C10orf90: variants seen among roughly 807,000 people sequenced by gnomAD.
C10orf90 encodes the protein chromosome 10 open reading frame 90, also known as (E2-independent) E3 ubiquitin-conjugating enzyme FATS.
Under a neutral mutation model 62.5 loss-of-function variants are expected in C10orf90, and 56 were observed. The observed-to-expected ratio is 0.90, with a 90% CI of 0.72 to 1.12. The LOEUF is 1.12. Among genes scored for constraint, C10orf90 ranks in the 50% most tolerant of loss-of-function variants. The probability of loss-of-function intolerance (pLI) is 0.00; values close to 1 mark genes in which losing one functional copy is unlikely to be tolerated. For missense variants in C10orf90, 970 were observed against 880.4 expected (o/e 1.10, Z -1.29); for synonymous variants, 386 against 340.4 (o/e 1.13, Z -1.47).
chr10:126,536,082 T>C (rs1322551946), intron 2 of C10orf90, among the ~76,000 whole-genome samples: 2 of 152,082 alleles, frequency 1.3e-5, no homozygotes, highest in African/African-American at 4.8e-5. Flanking sequence ...AAGATTTGGG[T>C]CTCCCAGGGG....
At chr10:126,584,150 G>T (rs1844809743) in intron 2 of C10orf90, among the ~76,000 whole-genome samples, 1 of 148,858 alleles carries the variant, frequency 6.7e-6, no homozygotes, top group Admixed American at 6.7e-5. Context: ...GACTTGAAGG[G>T]GAAACTCTCA....
At position 126,615,530 on chromosome 10, in the gene C10orf90, T is replaced by G. The variant is rs575617928; in HGVS notation, c.313+31035A>C. Among the ~76,000 whole-genome samples, 11 of 152,360 alleles carry G rather than the reference T, an allele frequency of 7.2e-5. No individual in the cohort carries two copies. The South Asian group carries it at 2.1e-3, about 29-fold the overall frequency. ...AGCAAGGCTATAAAAATACAAAATC[T>G]TAACACAATGATCACATTCAACTCA... On this transcript the variant is annotated intron_variant, in intron 2 of 9. Coordinates refer to ENST00000488181, the MANE Select transcript of C10orf90 (RefSeq NM_001350921.2).
intron 3 of C10orf90, among the ~76,000 whole-genome samples, chr10:126,509,545 G>C (rs1862970160): frequency 6.6e-6 from 1 of 152,200 alleles, no homozygotes; most frequent in African/African-American, 2.4e-5. Flanking sequence ...TAGAAGTCAT[G>C]TAATTTTTTA....
intron 2 of C10orf90, among the ~76,000 whole-genome samples, chr10:126,584,432 C>A (rs1844818069): frequency 6.6e-6 from 1 of 152,078 alleles, no homozygotes; most frequent in Non-Finnish European, 1.5e-5. Flanking sequence ...TTCCATCTGT[C>A]CATCCATCCC....
chr10:126,580,222 C>T (rs78904747), intron 2 of C10orf90, among the ~76,000 whole-genome samples: 3,474 of 152,322 alleles, frequency 0.023, 121 homozygotes, highest in African/African-American at 0.079. Flanking sequence ...GCTGTCCTAA[C>T]GACATGCCCT....
At chr10:126,665,590 G>A (rs999916764) in intron 1 of C10orf90, among the ~76,000 whole-genome samples, 2 of 152,146 alleles carry the variant, frequency 1.3e-5, no homozygotes, top group African/African-American at 4.8e-5. Flanking sequence ...AGAGTAACCA[G>A]ACAACCGCTA....
In C10orf90 at chr10:126,645,258, T is replaced by TAAA. The variant is rs1182066967; in HGVS notation, c.313+1304_313+1306dup. ...CACATGTACCCTAAAACTTAAAGTA[T>TAAA]AAAAAAAAAAAAAAAAAAAAAGCTG... is the stretch of plus-strand genomic sequence containing the variant. On this transcript the variant is annotated intron_variant, in intron 2 of 9. Transcript: ENST00000488181. Among the ~76,000 whole-genome samples, 338 of 66,266 alleles carry TAAA rather than the reference T, an allele frequency of 5.1e-3. 4 individuals carry two copies. Among genetic ancestry groups the TAAA allele is most frequent in the African/African-American group, 0.016 (326 of 20,826 alleles). The allele number at this position is 66,266 out of a possible 152,430, so 43.5% of individuals were successfully genotyped here. A position where few individuals can be genotyped will look rare whatever the true frequency, so the allele number is the denominator to read the frequency against.
rs142691564 is a variant in C10orf90 at position 126,581,871 on chromosome 10, G to A, written c.313+64694C>T. Among the ~76,000 whole-genome samples, 1,383 of 152,332 alleles carry A rather than the reference G, an allele frequency of 9.1e-3. 24 individuals are homozygous for A. Among genetic ancestry groups the A allele is most frequent in the African/African-American group, 0.032 (1,321 of 41,564 alleles). On this transcript the variant is annotated intron_variant, in intron 2 of 9. Transcript: ENST00000488181. ...CTGTGGACTGATTCGGACAGGTGCT[G>A]TGGAAGGAGACCTGGGGCCGCCTTA...
chr10:126,628,006 A>T (rs1300703676), intron 2 of C10orf90, among the ~76,000 whole-genome samples: 1 of 152,222 alleles, frequency 6.6e-6, no homozygotes, highest in East Asian at 1.9e-4. Flanking sequence ...CGAAAGAGCA[A>T]GTGTCTCTTA....
chr10:126,582,269 G>C (rs559238450), intron 2 of C10orf90, among the ~76,000 whole-genome samples: 1 of 152,294 alleles, frequency 6.6e-6, no homozygotes, highest in Non-Finnish European at 1.5e-5. Flanking sequence ...CACCTTTAAA[G>C]AATAGGACTG....
At chr10:126,664,800 C>T (rs1053145153) in intron 1 of C10orf90, among the ~76,000 whole-genome samples, 4 of 152,184 alleles carry the variant, frequency 2.6e-5, no homozygotes, top group African/African-American at 9.7e-5. Context: ...TTCAGATATG[C>T]CTCCTGATGC....
chr10:126,636,481 T>C (rs753319520), intron 2 of C10orf90, among the ~76,000 whole-genome samples: 5 of 152,308 alleles, frequency 3.3e-5, no homozygotes, highest in East Asian at 1.9e-4. Context: ...TTTACCAAGA[T>C]ATAAAATAAG....
Position 126,514,776 on chromosome 10 carries a change from C to T in C10orf90, c.314-837G>A, listed in dbSNP as rs376246945. On this transcript the variant is annotated intron_variant, in intron 2 of 9. Coordinates refer to ENST00000488181, the MANE Select transcript of C10orf90 (RefSeq NM_001350921.2). ...CCTCAGCAGCCACAGCACCGCCCTG[C>T]GCCCCCCTCTCCACCCCCCATCTCT... Among the ~76,000 whole-genome samples, 212 of 152,268 alleles carry T rather than the reference C, an allele frequency of 1.4e-3. 3 individuals carry two copies. Among genetic ancestry groups the T allele is most frequent in the South Asian group, 7.5e-3 (36 of 4,820 alleles).
chr10:126,518,906 C>T (rs938654847), intron 2 of C10orf90, among the ~76,000 whole-genome samples: 3 of 152,002 alleles, frequency 2.0e-5, no homozygotes, highest in South Asian at 2.1e-4. Context: ...GCCTGGAGGG[C>T]GGTGTGTGTT....
rs1010071285 is a variant in C10orf90, at chr10:126,581,740, G to A, written c.313+64825C>T. Among the ~76,000 whole-genome samples the A allele has an allele frequency of 7.2e-5, 11 of 152,082 alleles. No homozygotes were observed. The East Asian group carries it at 1.2e-3, about 16-fold the overall frequency. ...CCTCTCTATTTAGAAAATTCCTCACGTTGTGATTCCTACACTCTAAGAACA... is the reference window on the plus strand; with the variant it reads ...CCTCTCTATTTAGAAAATTCCTCACATTGTGATTCCTACACTCTAAGAACA... On this transcript the variant is annotated intron_variant, in intron 2 of 9. Coordinates refer to ENST00000488181, the MANE Select transcript of C10orf90 (RefSeq NM_001350921.2).
At chr10:126,612,805 T>G (rs904404529) in intron 2 of C10orf90, among the ~76,000 whole-genome samples, 1 of 152,170 alleles carries the variant, frequency 6.6e-6, no homozygotes, top group Non-Finnish European at 1.5e-5. Context: ...ATTGCCAACA[T>G]TTACGTGTTT....
chr10:126,580,124 G>C (rs971769768), intron 2 of C10orf90, among the ~76,000 whole-genome samples: 4 of 152,146 alleles, frequency 2.6e-5, no homozygotes, highest in African/African-American at 9.7e-5. Context: ...TCAGCGTCCA[G>C]AGCTGATCTA....
chr10:126,570,611 G>A (rs1237841838), intron 2 of C10orf90, among the ~76,000 whole-genome samples: 7 of 152,148 alleles, frequency 4.6e-5, no homozygotes, highest in African/African-American at 1.7e-4. Flanking sequence ...CTCAGAAAGG[G>A]TTTTTTGAGC....
chr10:126,600,223 T>G (rs1564887699), intron 2 of C10orf90, among the ~76,000 whole-genome samples: 1 of 149,214 alleles, frequency 6.7e-6, no homozygotes, highest in South Asian at 2.1e-4. Context: ...TGACTTTCCT[T>G]ACGGTCCAGA....
Sources: allele counts gnomAD v4.1 joint callset (sites outside exome capture counted in the v4.1 genomes callset), GRCh38; gene constraint gnomAD v4.1.1; transcripts MANE v1.5; gene names NCBI Gene and HGNC (gene_info 2026-07-23, HGNC 2026-07-21).